The following IQSEC1 variants were observed in gnomAD, a reference collection of about 807,000 sequenced individuals.
IQSEC1 encodes IQ motif and SEC7 domain-containing protein 1.
In IQSEC1, 31 loss-of-function variants were observed where a neutral mutation model predicts 91.0. That is an observed-to-expected ratio of 0.34 (90% CI 0.26 to 0.46). The LOEUF (loss-of-function observed/expected upper bound fraction) is 0.46. IQSEC1 is among the 20% of genes least tolerant of loss of function. The pLI is 1.00. For synonymous variants in IQSEC1, 699 were observed against 662.6 expected, an observed-to-expected ratio of 1.05 and a Z score of -0.84; for missense variants, 1,388 against 1,575.6, an observed-to-expected ratio of 0.88 and a Z score of 2.02.
At chr3:13,245,349 C>T (rs926965731) in intron 1 of IQSEC1, among the ~76,000 whole-genome samples, 3 of 152,228 alleles carry the variant, frequency 2.0e-5, no homozygotes, top group Non-Finnish European at 4.4e-5. Flanking sequence ...GCTCAGAACA[C>T]GCAGAGCATT....
intron 1 of IQSEC1, among the ~76,000 whole-genome samples, chr3:13,189,034 T>G (rs572598934): frequency 6.6e-6 from 1 of 152,366 alleles, no homozygotes; most frequent in African/African-American, 2.4e-5. Context: ...CTGCCCAGTC[T>G]CTCTCACCTG....
At chr3:13,027,264 C>T (rs1373422930) in intron 1 of IQSEC1, among the ~76,000 whole-genome samples, 3 of 152,220 alleles carry the variant, frequency 2.0e-5, no homozygotes, top group African/African-American at 7.2e-5. Flanking sequence ...TCCTGAGTTC[C>T]ACCATCTTGT....
intron 1 of IQSEC1, among the ~76,000 whole-genome samples, chr3:13,203,170 C>T (rs564790332): frequency 1.7e-4 from 25 of 150,824 alleles, no homozygotes; most frequent in African/African-American, 6.1e-4. Context: ...CTACTACACA[C>T]ACACACACAC....
intron 2 of IQSEC1, among the ~76,000 whole-genome samples, chr3:13,161,674 G>A (rs75011057): frequency 0.04 from 6,023 of 152,328 alleles, 264 homozygotes; most frequent in Admixed American, 0.13. Context: ...TCTGACCCCA[G>A]CATCTTAGCC....
intron 1 of IQSEC1, among the ~76,000 whole-genome samples, chr3:12,985,728 C>T (rs879244330): frequency 7.9e-5 from 12 of 152,056 alleles, no homozygotes; most frequent in Admixed American, 2.6e-4. Flanking sequence ...GGGTGATAAA[C>T]GTTTATATGT....
rs753048535 is a variant in IQSEC1, at chr3:12,901,185, G to GGGT, written c.3140_3142dup (p.His1047dup). 1.0e-4 allele frequency: 156 copies of GGGT among 1,540,880 alleles called. 1 individual carries two copies. The highest frequency in any genetic ancestry group is 3.4e-4 in the Middle Eastern group (2 of 5,912). ...GTGTGCGTGCTGGATGTGCTGGGGT[G>GGGT]GGTGGTGGTGGTGGTGATGGTGGTA... On this transcript the variant is annotated inframe_insertion, in exon 14 of 14. Transcript: ENST00000613206.
chr3:13,157,827 T>G (rs368491498), intron 2 of IQSEC1, among the ~76,000 whole-genome samples: 17 of 152,238 alleles, frequency 1.1e-4, no homozygotes, highest in Non-Finnish European at 2.4e-4. Context: ...TGCTATGACA[T>G]GGCATGTGCT....
At chr3:12,998,056 TGGCAGCTCTACGGCCA>T (rs1702285967) in intron 1 of IQSEC1, among the ~76,000 whole-genome samples, 2 of 152,234 alleles carry the variant, frequency 1.3e-5, no homozygotes, top group Non-Finnish European at 2.9e-5. Context: ...AAAAAGAATG[TGGCAGCTCTACGGCCA>T]GGCACAGTGG....
At chr3:13,143,241 G>C (rs1355813252) in intron 2 of IQSEC1, among the ~76,000 whole-genome samples, 1 of 152,232 alleles carries the variant, frequency 6.6e-6, no homozygotes. Flanking sequence ...CTGAGTAACT[G>C]ATGGCACCAG....
At chr3:12,920,049 A>C (rs531926799) in intron 6 of IQSEC1, among the ~76,000 whole-genome samples, 1 of 152,368 alleles carries the variant, frequency 6.6e-6, no homozygotes, top group Non-Finnish European at 1.5e-5. Context: ...ACATGTGGCA[A>C]ATGCTACTCA....
chr3:13,167,013 G>A (rs1238818084), intron 1 of IQSEC1, among the ~76,000 whole-genome samples: 4 of 152,230 alleles, frequency 2.6e-5, no homozygotes, highest in South Asian at 2.1e-4. Context: ...ATGCCTGTGC[G>A]TGTGTGCATG....
chr3:13,176,576 C>A (rs1298696871), intron 1 of IQSEC1, among the ~76,000 whole-genome samples: 1 of 152,212 alleles, frequency 6.6e-6, no homozygotes, highest in Non-Finnish European at 1.5e-5. Context: ...AAGCTCAAAA[C>A]AAGCCCCAGG....
At chr3:12,931,979 G>A (rs1385266826) in intron 3 of IQSEC1, among the ~76,000 whole-genome samples, 1 of 152,226 alleles carries the variant, frequency 6.6e-6, no homozygotes, top group African/African-American at 2.4e-5. Context: ...TCCTTTTTGA[G>A]GGTGCCCGTG....
intron 1 of IQSEC1, among the ~76,000 whole-genome samples, chr3:13,253,371 T>C (rs1412655476): frequency 6.6e-6 from 1 of 151,750 alleles, no homozygotes; most frequent in African/African-American, 2.4e-5. Flanking sequence ...TGGCACCCCC[T>C]GGTCAGCAGA....
intron 2 of IQSEC1, among the ~76,000 whole-genome samples, chr3:13,123,236 G>A (rs1233641444): frequency 2.0e-5 from 3 of 152,254 alleles, no homozygotes; most frequent in Non-Finnish European, 4.4e-5. Flanking sequence ...GAACACAGGT[G>A]TCCAGTCCAG....
At chr3:13,075,407 T>C (rs1705547600), upstream of IQSEC1, among the ~76,000 whole-genome samples, 1 of 152,188 alleles carries the variant, frequency 6.6e-6, no homozygotes, top group Non-Finnish European at 1.5e-5. Context: ...AATGCCCCTC[T>C]CAGCCGCCTT....
intron 2 of IQSEC1, among the ~76,000 whole-genome samples, chr3:12,937,349 G>T (rs1310524105): frequency 6.6e-6 from 1 of 152,208 alleles, no homozygotes; most frequent in Non-Finnish European, 1.5e-5. Context: ...AACCCATTTG[G>T]AGACCCTGGA....
chr3:13,154,761 C>T (rs1707059872), intron 2 of IQSEC1, among the ~76,000 whole-genome samples: 1 of 151,704 alleles, frequency 6.6e-6, no homozygotes, highest in Admixed American at 6.6e-5. Context: ...AAATAGCCTA[C>T]AAAGTAACTT....
At chr3:13,243,832 A>G (rs1248005886) in intron 1 of IQSEC1, among the ~76,000 whole-genome samples, 1 of 152,104 alleles carries the variant, frequency 6.6e-6, no homozygotes, top group Admixed American at 6.5e-5. Flanking sequence ...AGTGGAGAGC[A>G]CTGGATTCCT....
Sources: allele counts gnomAD v4.1 joint callset (sites outside exome capture counted in the v4.1 genomes callset), GRCh38; gene constraint gnomAD v4.1.1; transcripts MANE v1.5; gene names NCBI Gene and HGNC (gene_info 2026-07-23, HGNC 2026-07-21).